Variants in PSD3 observed in about 807,000 individuals in gnomAD.
PSD3 encodes pleckstrin and Sec7 domain containing 3, also known as PH and SEC7 domain-containing protein 3.
PSD3 carries 49 observed loss-of-function variants against 105.5 expected under a neutral mutation model. That is an observed-to-expected ratio of 0.46 (90% CI 0.37 to 0.59). The LOEUF is 0.59. Ranked by LOEUF, PSD3 falls within the 20% of genes least tolerant of loss-of-function variation. PSD3 has a pLI of 0.00. For missense variants in PSD3, 1,561 were observed against 1,263.8 expected, an observed-to-expected ratio of 1.24 and a Z score of -3.57; for synonymous variants, 557 against 457.8, an observed-to-expected ratio of 1.22 and a Z score of -2.77.
intron 9 of PSD3, among the ~76,000 whole-genome samples, chr8:18,763,930 A>T (rs1053263656): frequency 1.3e-5 from 2 of 152,180 alleles, no homozygotes; most frequent in Non-Finnish European, 2.9e-5. Flanking sequence ...GAGGTTTATA[A>T]ACATAATCTC....
intron 12 of PSD3, among the ~76,000 whole-genome samples, chr8:18,575,794 A>G (rs1325162661): frequency 6.6e-6 from 1 of 152,232 alleles, no homozygotes; most frequent in African/African-American, 2.4e-5. Flanking sequence ...TTATCAAAAG[A>G]AAAATGAATA....
intron 1 of PSD3, among the ~76,000 whole-genome samples, chr8:19,045,536 G>A (rs1469275286): frequency 6.6e-6 from 1 of 152,244 alleles, no homozygotes. Context: ...GCAGTGCTCA[G>A]TAGCTGGTTT....
chr8:18,982,442 T>C (rs1425956429), intron 1 of PSD3, among the ~76,000 whole-genome samples: 2 of 152,232 alleles, frequency 1.3e-5, no homozygotes, highest in Non-Finnish European at 2.9e-5. Flanking sequence ...GCATCTAGAA[T>C]GGTGAATTCT....
intron 1 of PSD3, among the ~76,000 whole-genome samples, chr8:18,957,136 C>T (rs899624068): frequency 1.3e-5 from 2 of 152,094 alleles, no homozygotes; most frequent in Non-Finnish European, 2.9e-5. Flanking sequence ...CTCTGGGAGG[C>T]CAAGGTGGGC....
At chr8:18,598,888 A>T (rs1013786246) in intron 12 of PSD3, among the ~76,000 whole-genome samples, 2 of 152,170 alleles carry the variant, frequency 1.3e-5, no homozygotes, top group Non-Finnish European at 2.9e-5. Context: ...GAAAGAAATT[A>T]AAGAAGACAC....
intron 1 of PSD3, among the ~76,000 whole-genome samples, chr8:19,030,241 T>A (rs770940043): frequency 6.6e-6 from 1 of 152,244 alleles, no homozygotes; most frequent in Admixed American, 6.5e-5. Context: ...ATGATTTTTC[T>A]TTTTTATGCT....
At chr8:18,626,618 C>T (rs1412175626) in intron 11 of PSD3, among the ~76,000 whole-genome samples, 1 of 152,038 alleles carries the variant, frequency 6.6e-6, no homozygotes, top group African/African-American at 2.4e-5. Context: ...TGTTTTATAG[C>T]AGGTTGTGTA....
chr8:18,704,455 A>AC (rs1801772456), intron 9 of PSD3, among the ~76,000 whole-genome samples: 2 of 151,872 alleles, frequency 1.3e-5, no homozygotes, highest in Non-Finnish European at 2.9e-5. Context: ...CTCCTGTCTC[A>AC]CCCTCCCCAG....
chr8:19,007,484 C>A (rs971155998), intron 1 of PSD3, among the ~76,000 whole-genome samples: 5 of 152,058 alleles, frequency 3.3e-5, no homozygotes, highest in African/African-American at 9.7e-5. Flanking sequence ...TTGGACAGGG[C>A]AAATATGGGA....
chr8:18,961,321 A>G (rs2129471165), intron 1 of PSD3, among the ~76,000 whole-genome samples: 1 of 152,354 alleles, frequency 6.6e-6, no homozygotes, highest in Admixed American at 6.5e-5. Context: ...ACACAGCAAT[A>G]TAGTACACAA....
intron 2 of PSD3, chr8:18,924,813 A>T (rs1393785419): frequency 6.6e-6 from 1 of 152,246 alleles, no homozygotes; most frequent in African/African-American, 2.4e-5. Flanking sequence ...TTTGCACTAA[A>T]AAGAAAAAAT....
intron 3 of PSD3, among the ~76,000 whole-genome samples, chr8:18,871,248 A>G (rs145824902): frequency 6.6e-6 from 1 of 152,314 alleles, no homozygotes; most frequent in Non-Finnish European, 1.5e-5. Context: ...GGGTGTGTCA[A>G]AAGAGTCCAA....
At chr8:19,030,562 T>C (rs1827730034) in intron 1 of PSD3, among the ~76,000 whole-genome samples, 1 of 152,150 alleles carries the variant, frequency 6.6e-6, no homozygotes, top group African/African-American at 2.4e-5. Flanking sequence ...TTGCTCTTGC[T>C]TTCACTATGT....
chr8:18,818,225 G>C (rs1201539196), intron 4 of PSD3, among the ~76,000 whole-genome samples: 1 of 152,146 alleles, frequency 6.6e-6, no homozygotes, highest in Non-Finnish European at 1.5e-5. Flanking sequence ...AAAGTGCTTG[G>C]ATTACAGACG....
chr8:18,783,763 A>G (rs1808862823), intron 8 of PSD3, among the ~76,000 whole-genome samples: 1 of 152,124 alleles, frequency 6.6e-6, no homozygotes, highest in Admixed American at 6.5e-5. Flanking sequence ...CACTCGAGTA[A>G]CTGGGATGAT....
intron 1 of PSD3, among the ~76,000 whole-genome samples, chr8:19,002,840 A>G (rs1370540847): frequency 6.6e-6 from 1 of 151,980 alleles, no homozygotes; most frequent in Non-Finnish European, 1.5e-5. Flanking sequence ...GTGTATTAGA[A>G]TTTTTCTCCT....
chr8:18,939,277 A>C (rs1161540998), intron 1 of PSD3, among the ~76,000 whole-genome samples: 1 of 152,210 alleles, frequency 6.6e-6, no homozygotes, highest in Non-Finnish European at 1.5e-5. Context: ...GGGGTGATTT[A>C]CATATTTATT....
intron 12 of PSD3, among the ~76,000 whole-genome samples, chr8:18,592,134 C>T (rs1205105873): frequency 6.6e-6 from 1 of 151,750 alleles, no homozygotes; most frequent in East Asian, 1.9e-4. Context: ...TAAAGATGCT[C>T]AACAAGCTAA....
At chr8:18,711,412 C>T (rs1802247011) in intron 9 of PSD3, among the ~76,000 whole-genome samples, 1 of 151,990 alleles carries the variant, frequency 6.6e-6, no homozygotes, top group Non-Finnish European at 1.5e-5. Flanking sequence ...CGCAAAGACA[C>T]AATAGGCTCA....
Sources: allele counts gnomAD v4.1 joint callset (sites outside exome capture counted in the v4.1 genomes callset), GRCh38; gene constraint gnomAD v4.1.1; transcripts MANE v1.5; gene names NCBI Gene and HGNC (gene_info 2026-07-23, HGNC 2026-07-21).